WASF1: variants seen among roughly 807,000 people sequenced by gnomAD.
WASF1 encodes actin-binding protein WASF1.
In WASF1, 7 loss-of-function variants were observed where a neutral mutation model predicts 50.5. That is an observed-to-expected ratio of 0.14 (90% CI 0.08 to 0.26). The LOEUF (loss-of-function observed/expected upper bound fraction) is 0.26, where lower values mean the gene tolerates loss of function less well. WASF1 is among the 10% of genes least tolerant of loss of function. The pLI is 1.00. For missense variants in WASF1, 470 were observed against 694.7 expected (o/e 0.68, Z 3.64); for synonymous variants, 205 against 244.0 (o/e 0.84, Z 1.49).
rs1773009505 is a variant in WASF1 at position 110,099,847 on chromosome 6, C to T, written c.*675G>A. The T allele has an allele frequency of 6.6e-6, 1 of 152,516 alleles. No individual in the cohort carries two copies. Among genetic ancestry groups the T allele is most frequent in the Non-Finnish European group, 1.5e-5 (1 of 68,020 alleles). 9.4% of individuals were successfully genotyped at this position (152,516 alleles called of 1,614,324 possible). A position where few individuals can be genotyped will look rare whatever the true frequency, so the allele number is the denominator to read the frequency against. On this transcript the variant is annotated 3_prime_UTR_variant, in exon 11 of 11. Coordinates refer to ENST00000392589, the MANE Select transcript of WASF1 (RefSeq NM_003931.3). Reference sequence around the variant, plus strand: ...TTTTAAAATGAACCATTTATTAAATCAGACTGTTATTCTTAACAGTTATGT... The same window carrying T: ...TTTTAAAATGAACCATTTATTAAATTAGACTGTTATTCTTAACAGTTATGT...
chr6:110,131,822 A>C (rs976962576), intron 3 of WASF1, among the ~76,000 whole-genome samples: 1 of 152,166 alleles, frequency 6.6e-6, no homozygotes, highest in Admixed American at 6.6e-5. Flanking sequence ...GTCTTGATAC[A>C]CAATAGGGCA....
chr6:110,162,414 C>T (rs1430304375), intron 2 of WASF1, among the ~76,000 whole-genome samples: 2 of 149,150 alleles, frequency 1.3e-5, no homozygotes, highest in South Asian at 2.1e-4. Context: ...TTAACATTAC[C>T]CTAATGCAAA....
intron 1 of WASF1, among the ~76,000 whole-genome samples, chr6:110,178,950 A>G (rs1562195416): frequency 6.6e-6 from 1 of 152,152 alleles, no homozygotes; most frequent in Non-Finnish European, 1.5e-5. Flanking sequence ...GGATGCCCGC[A>G]CTCGCTTTAC....
chr6:110,161,328 A>G (rs1315985589), intron 2 of WASF1, among the ~76,000 whole-genome samples: 1 of 151,566 alleles, frequency 6.6e-6, no homozygotes, highest in African/African-American at 2.4e-5. Context: ...CTTAGGAGGG[A>G]GGAACTAACT....
At chr6:110,144,549 C>A (rs1324029756) in intron 3 of WASF1, among the ~76,000 whole-genome samples, 1 of 152,128 alleles carries the variant, frequency 6.6e-6, no homozygotes, top group African/African-American at 2.4e-5. Context: ...ATGCCTATGT[C>A]CTGAATGGAT....
At chr6:110,134,590 A>G (rs1259107499) in intron 3 of WASF1, among the ~76,000 whole-genome samples, 1 of 151,804 alleles carries the variant, frequency 6.6e-6, no homozygotes, top group Admixed American at 6.6e-5. Context: ...ACGCCTGGCT[A>G]ATTTTTTTTA....
intron 4 of WASF1, among the ~76,000 whole-genome samples, chr6:110,122,748 T>C (rs1774194575): frequency 6.6e-6 from 1 of 152,168 alleles, no homozygotes; most frequent in Admixed American, 6.6e-5. Flanking sequence ...CAACATAAAA[T>C]ATACATGTTA....
rs148549415 is a variant in WASF1, at chr6:110,103,298, A to C, written c.893+80T>G. On this transcript the variant is annotated intron_variant, in intron 9 of 10. Transcript: ENST00000392589. ...CAAAAACTGTAAGGCCCGAAAGCCA[A>C]AAATACTTACTATATCGTCCTTGAA... The C allele has an allele frequency of 2.5e-5, 37 of 1,481,840 alleles. No individual in the cohort carries two copies. The African/African-American group carries it at 4.8e-4, about 19-fold the overall frequency. 91.8% of individuals were successfully genotyped at this position (1,481,840 alleles called of 1,614,324 possible). A position where few individuals can be genotyped will look rare whatever the true frequency, so the allele number is the denominator to read the frequency against.
intron 3 of WASF1, among the ~76,000 whole-genome samples, chr6:110,130,053 C>T (rs923775711): frequency 6.6e-6 from 1 of 152,168 alleles, no homozygotes; most frequent in African/African-American, 2.4e-5. Flanking sequence ...GCTTTAATGA[C>T]TAACAAATGA....
In WASF1 at chr6:110,130,106, A is replaced by T. The variant is rs553472134; in HGVS notation, c.-28-2477T>A. Reference sequence around the variant, plus strand: ...TAATTGCAGTTAAGTGTTACTTATCAACATGCTTTTAACAATTTTTGCATA... The same window carrying T: ...TAATTGCAGTTAAGTGTTACTTATCTACATGCTTTTAACAATTTTTGCATA... On this transcript the variant is annotated intron_variant, in intron 3 of 10. Transcript: ENST00000392589. Among the ~76,000 whole-genome samples, 3 of 152,346 alleles carry T rather than the reference A, an allele frequency of 2.0e-5. No individual in the cohort carries two copies. In the East Asian group the frequency reaches 5.8e-4, roughly 29 times the overall value.
intron 3 of WASF1, among the ~76,000 whole-genome samples, chr6:110,160,270 GAT>G (rs1438218888): frequency 1.4e-4 from 22 of 151,826 alleles, no homozygotes; most frequent in Admixed American, 1.4e-3. Context: ...GGGAAAACGA[GAT>G]ATAGGACTCT....
At chr6:110,158,439 TTCTC>T (rs1284772114) in intron 3 of WASF1, among the ~76,000 whole-genome samples, 4 of 141,112 alleles carry the variant, frequency 2.8e-5, no homozygotes, top group African/African-American at 5.6e-5. Flanking sequence ...TATTTGATTC[TTCTC>T]TCTCTTTTTC....
rs1362141358 is a variant in WASF1, at chr6:110,178,662, T to C, written c.-191A>G. Reference sequence around the variant, plus strand: ...GCAGGACGTGAATGTTGAGATCGGATGTGCTTTCTTTCATCGTTATTCCAG... The same window carrying C: ...GCAGGACGTGAATGTTGAGATCGGACGTGCTTTCTTTCATCGTTATTCCAG... On this transcript the variant is annotated 5_prime_UTR_variant, in exon 2 of 11. Coordinates refer to ENST00000392589, the MANE Select transcript of WASF1 (RefSeq NM_003931.3). 1 of 152,684 alleles carries C rather than the reference T, an allele frequency of 6.5e-6. No homozygotes were observed. Among genetic ancestry groups the C allele is most frequent in the East Asian group, 1.9e-4 (1 of 5,196 alleles). 9.5% of individuals were successfully genotyped at this position (152,684 alleles called of 1,614,324 possible).
At position 110,100,366 on chromosome 6, in the gene WASF1, T is replaced by C; in HGVS notation, c.*156A>G. ...AAAACATTTAGTTTGAAATGTATGC[T>C]AATATTTTCCTTAGAAATCAAAAGT... On this transcript the variant is annotated 3_prime_UTR_variant, in exon 11 of 11. Transcript: ENST00000392589. 1 of 694,894 alleles carries C rather than the reference T, an allele frequency of 1.4e-6. No individual in the cohort carries two copies. Among genetic ancestry groups the C allele is most frequent in the Non-Finnish European group, 2.2e-6 (1 of 452,006 alleles). 43.0% of individuals were successfully genotyped at this position (694,894 alleles called of 1,614,324 possible).
At chr6:110,170,522 C>A (rs1776663431) in intron 2 of WASF1, among the ~76,000 whole-genome samples, 1 of 152,032 alleles carries the variant, frequency 6.6e-6, no homozygotes, top group African/African-American at 2.4e-5. Flanking sequence ...CCAGCCCAGC[C>A]AACTTTTTCT....
chr6:110,120,825 G>A (rs1409444030), intron 4 of WASF1, among the ~76,000 whole-genome samples: 2 of 151,768 alleles, frequency 1.3e-5, no homozygotes, highest in African/African-American at 2.4e-5. Flanking sequence ...CATGGTACTG[G>A]TACCAAAACA....
intron 5 of WASF1, among the ~76,000 whole-genome samples, chr6:110,112,528 T>C (rs558129512): frequency 6.6e-6 from 1 of 152,286 alleles, no homozygotes; most frequent in South Asian, 2.1e-4. Context: ...GTTTTTGAAA[T>C]GTTCATTTAA....
At chr6:110,143,733 T>C (rs1337835229) in intron 3 of WASF1, among the ~76,000 whole-genome samples, 2 of 152,192 alleles carry the variant, frequency 1.3e-5, no homozygotes, top group Non-Finnish European at 2.9e-5. Flanking sequence ...ACCTAATCAA[T>C]GACAAGTGAT....
chr6:110,104,042 C>G (rs553902922), intron 8 of WASF1, among the ~76,000 whole-genome samples: 1 of 151,636 alleles, frequency 6.6e-6, no homozygotes, highest in Non-Finnish European at 1.5e-5. Context: ...AGAAAGGCCT[C>G]CCAGATACTA....
Sources: gnomAD v4.1 joint callset for allele counts (sites outside exome capture counted in the v4.1 genomes callset) on GRCh38, gnomAD v4.1.1 for gene constraint, MANE v1.5 for transcripts, NCBI Gene and HGNC (gene_info 2026-07-23, HGNC 2026-07-21) for gene names.